RPSA2: variants seen among roughly 807,000 people sequenced by gnomAD.
The protein encoded by RPSA2 is ribosomal protein SA 2, also known as small ribosomal subunit protein uS2B.
chr19:23,821,139 T>C, the RPSA2 span, among the ~76,000 whole-genome samples: 1 of 152,234 alleles, frequency 6.6e-6, no homozygotes, highest in Non-Finnish European at 1.5e-5. Context: ...TGATAACCAA[T>C]GGTGCCCTCT....
At chr19:23,827,862 C>A in the RPSA2 span, 2 of 1,184,076 alleles carry the variant, frequency 1.7e-6, no homozygotes, top group East Asian at 4.8e-5. Flanking sequence ...TGGACTGCTC[C>A]CTCTCCTGAG....
chr19:23,862,907 T>TTTG, the RPSA2 span, among the ~76,000 whole-genome samples: 79 of 150,502 alleles, frequency 5.2e-4, no homozygotes, highest in Non-Finnish European at 8.9e-4. Flanking sequence ...TTTTTTTTTT[T>TTTG]TTTGTTTGTT....
the RPSA2 span, among the ~76,000 whole-genome samples, chr19:23,845,199 A>T: frequency 2.0e-3 from 134 of 68,402 alleles, no homozygotes; most frequent in Admixed American, 3.4e-3. Flanking sequence ...TGTCTTTTTG[A>T]AAAAGCAACT....
chr19:23,766,142 CCTTTTTTTTTTTTTTTTTT>C, the RPSA2 span, among the ~76,000 whole-genome samples: 17,641 of 43,318 alleles, frequency 0.41, 1,754 homozygotes, highest in East Asian at 0.54. Context: ...TATTTCATTT[CCTTTTTTTTTTTTTTTTTT>C]TTTTTTTTTG....
chr19:23,862,830 CTCTAT>C, the RPSA2 span, among the ~76,000 whole-genome samples: 1 of 149,784 alleles, frequency 6.7e-6, no homozygotes, highest in South Asian at 2.1e-4. Flanking sequence ...CTCTCTGGGT[CTCTAT>C]TCCCTCATCT....
chr19:23,779,055 C>G, the RPSA2 span, among the ~76,000 whole-genome samples: 2 of 121,532 alleles, frequency 1.6e-5, no homozygotes, highest in Admixed American at 1.2e-4. Flanking sequence ...GGCTGGAGTG[C>G]AGTGGCGCAA....
the RPSA2 span, among the ~76,000 whole-genome samples, chr19:23,870,341 C>T: frequency 1.3e-5 from 2 of 152,072 alleles, no homozygotes; most frequent in Non-Finnish European, 2.9e-5. Flanking sequence ...ATATTAAAAT[C>T]CATGGTTCTG....
At chr19:23,865,238 G>A in the RPSA2 span, among the ~76,000 whole-genome samples, 7 of 152,224 alleles carry the variant, frequency 4.6e-5, no homozygotes, top group African/African-American at 1.7e-4. Context: ...CCATGGGGCA[G>A]CATTTGTCTG....
the RPSA2 span, among the ~76,000 whole-genome samples, chr19:23,811,516 CT>C: frequency 1.5e-3 from 230 of 150,848 alleles, no homozygotes; most frequent in Middle Eastern, 0.014. Context: ...AATAGGATGC[CT>C]TTTTTTTTTT....
At chr19:23,796,793 T>C in the RPSA2 span, among the ~76,000 whole-genome samples, 1 of 152,082 alleles carries the variant, frequency 6.6e-6, no homozygotes, top group Non-Finnish European at 1.5e-5. Context: ...TAATGTCTCC[T>C]GTTATTTCTA....
chr19:23,761,041 G>C, the RPSA2 span, among the ~76,000 whole-genome samples: 2 of 6,040 alleles, frequency 3.3e-4, no homozygotes, highest in African/African-American at 3.9e-4. Context: ...ATATATATAG[G>C]GTATATATGT....
chr19:23,831,369 G>A, the RPSA2 span, among the ~76,000 whole-genome samples: 1 of 152,056 alleles, frequency 6.6e-6, no homozygotes. Flanking sequence ...TTTTCTTTGT[G>A]CTCACCTGGA....
the RPSA2 span, among the ~76,000 whole-genome samples, chr19:23,770,527 G>A: frequency 6.6e-6 from 1 of 152,118 alleles, no homozygotes; most frequent in East Asian, 1.9e-4. Flanking sequence ...TGAAATGGAG[G>A]CTTCTGCCTG....
chr19:23,825,624 T>G, the RPSA2 span, among the ~76,000 whole-genome samples: 2 of 152,318 alleles, frequency 1.3e-5, no homozygotes, highest in South Asian at 4.1e-4. Flanking sequence ...CTTGCTCTTC[T>G]TGCCCAGGCT....
the RPSA2 span, among the ~76,000 whole-genome samples, chr19:23,801,252 G>T: frequency 7.5e-6 from 1 of 133,754 alleles, no homozygotes; most frequent in African/African-American, 2.9e-5. Context: ...TTAGGGGAGG[G>T]TTGGGGGGGA....
At chr19:23,822,391 T>C in the RPSA2 span, among the ~76,000 whole-genome samples, 1 of 152,318 alleles carries the variant, frequency 6.6e-6, no homozygotes, top group Non-Finnish European at 1.5e-5. Flanking sequence ...TCCTTCGTGT[T>C]AAACAGCGTT....
the RPSA2 span, among the ~76,000 whole-genome samples, chr19:23,792,120 G>A: frequency 1.4e-3 from 213 of 152,342 alleles, no homozygotes; most frequent in Non-Finnish European, 2.5e-3. Flanking sequence ...TAAAATGTAA[G>A]CACCTTAAAA....
At chr19:23,867,542 A>AG in the RPSA2 span, among the ~76,000 whole-genome samples, 148,912 of 152,248 alleles carry the variant, frequency 0.98, 72,917 homozygotes, top group Middle Eastern at 1. Context: ...CAGACAAAAA[A>AG]GACTGGGGCC....
At chr19:23,794,893 A>T in the RPSA2 span, among the ~76,000 whole-genome samples, 1 of 152,342 alleles carries the variant, frequency 6.6e-6, no homozygotes, top group East Asian at 1.9e-4. Flanking sequence ...AGTCTTCTAC[A>T]TACTGCTAGC....
Sources: allele counts gnomAD v4.1 joint callset (sites outside exome capture counted in the v4.1 genomes callset), GRCh38; gene constraint gnomAD v4.1.1; transcripts MANE v1.5; gene names NCBI Gene and HGNC (gene_info 2026-07-23, HGNC 2026-07-21).